The following FARS2 variants were observed in gnomAD, a reference collection of about 807,000 sequenced individuals.
FARS2 encodes phenylalanyl-tRNA synthetase 2, mitochondrial.
A neutral mutation model predicts 46.4 loss-of-function variants in FARS2; 40 were observed. The ratio of observed to expected loss-of-function variants is 0.86; its 90% CI spans 0.67 to 1.12. The LOEUF is 1.12. FARS2 is among the 50% of genes most tolerant of loss of function. The pLI is 0.00. For synonymous variants in FARS2, 234 were observed against 214.9 expected (o/e 1.09, Z -0.78); for missense variants, 513 against 567.9 (o/e 0.90, Z 0.98).
chr6:5,317,223 C>T (rs898591846), intron 1 of FARS2, among the ~76,000 whole-genome samples: 1 of 152,196 alleles, frequency 6.6e-6, no homozygotes, highest in African/African-American at 2.4e-5. Flanking sequence ...CACCAAAAGC[C>T]TGTTTACCTC....
intron 5 of FARS2, among the ~76,000 whole-genome samples, chr6:5,552,039 A>G (rs1005615040): frequency 5.9e-5 from 9 of 152,324 alleles, no homozygotes; most frequent in South Asian, 2.1e-4. Context: ...GAAGGGGGCT[A>G]TTATTTAGCC....
At chr6:5,540,113 C>T (rs1454003659) in intron 4 of FARS2, among the ~76,000 whole-genome samples, 5 of 152,202 alleles carry the variant, frequency 3.3e-5, no homozygotes, top group South Asian at 2.1e-4. Context: ...TGCGTGGGTC[C>T]GGCCTCTTCA....
chr6:5,611,728 G>C (rs766767142), intron 5 of FARS2, among the ~76,000 whole-genome samples: 1 of 152,024 alleles, frequency 6.6e-6, no homozygotes, highest in Non-Finnish European at 1.5e-5. Context: ...AATGTCTTGG[G>C]GCATGTGTTC....
chr6:5,539,768 T>G (rs964889720), intron 4 of FARS2, among the ~76,000 whole-genome samples: 1 of 152,184 alleles, frequency 6.6e-6, no homozygotes, highest in Non-Finnish European at 1.5e-5. Context: ...CAACTATCTC[T>G]TGTGGCCATT....
At chr6:5,521,672 C>T (rs1769146505) in intron 4 of FARS2, among the ~76,000 whole-genome samples, 1 of 152,190 alleles carries the variant, frequency 6.6e-6, no homozygotes, top group African/African-American at 2.4e-5. Context: ...ACAGGCAAGA[C>T]TGTATATGAT....
intron 4 of FARS2, among the ~76,000 whole-genome samples, chr6:5,533,885 G>A (rs936651876): frequency 2.0e-5 from 3 of 152,242 alleles, no homozygotes; most frequent in Non-Finnish European, 2.9e-5. Flanking sequence ...CAAGAGGAGA[G>A]AGAGCAGTTG....
intron 5 of FARS2, among the ~76,000 whole-genome samples, chr6:5,590,681 C>T (rs758270049): frequency 9.2e-5 from 14 of 152,212 alleles, no homozygotes; most frequent in Non-Finnish European, 1.9e-4. Flanking sequence ...TTATATTAGT[C>T]AGTGGAAGTA....
chr6:5,739,339 A>G (rs1281892695), intron 6 of FARS2, among the ~76,000 whole-genome samples: 1 of 151,824 alleles, frequency 6.6e-6, no homozygotes, highest in Non-Finnish European at 1.5e-5. Flanking sequence ...TCTAAAAAAA[A>G]AAAAAATTGT....
At chr6:5,439,672 G>A (rs146744743) in intron 4 of FARS2, among the ~76,000 whole-genome samples, 60 of 152,304 alleles carry the variant, frequency 3.9e-4, no homozygotes, top group African/African-American at 1.4e-3. Context: ...GGATAATTGC[G>A]TGACACACAT....
At chr6:5,331,012 G>A (rs188226215) in intron 1 of FARS2, among the ~76,000 whole-genome samples, 7 of 151,818 alleles carry the variant, frequency 4.6e-5, no homozygotes, top group Admixed American at 2.6e-4. Context: ...GGCTGAAGCC[G>A]GAGAATTGTT....
chr6:5,494,431 A>T (rs190018298), intron 4 of FARS2, among the ~76,000 whole-genome samples: 5 of 152,238 alleles, frequency 3.3e-5, no homozygotes, highest in African/African-American at 9.6e-5. Flanking sequence ...CTCGCTTCTC[A>T]GCGGGCTTTG....
At position 5,311,583 on chromosome 6, in the gene FARS2, C is replaced by T. The variant is rs1196074315; in HGVS notation, c.-22+49923C>T. 6.6e-6 allele frequency among the ~76,000 whole-genome samples: 1 copy of T among 152,098 alleles called. No individual in the cohort carries two copies. The highest frequency in any genetic ancestry group is 1.5e-5 in the Non-Finnish European group (1 of 68,020). On this transcript the variant is annotated intron_variant, in intron 1 of 6. Coordinates refer to ENST00000274680, the MANE Select transcript of FARS2 (RefSeq NM_006567.5). This position sits in a 1 kb window ranked among gnomAD's most constrained non-coding sequence, Gnocchi z 4.1. ...TAGAAAAAAATTTCCATAAAATGTT[C>T]TTTATTTGTTGACTGTGGTATTGGC...
intron 4 of FARS2, among the ~76,000 whole-genome samples, chr6:5,481,191 C>G (rs926321652): frequency 6.6e-6 from 1 of 152,212 alleles, no homozygotes; most frequent in Non-Finnish European, 1.5e-5. Flanking sequence ...CGGGTACCAC[C>G]TGCCTCCAGA....
intron 5 of FARS2, among the ~76,000 whole-genome samples, chr6:5,582,918 G>A (rs564295366): frequency 1.3e-5 from 2 of 152,122 alleles, no homozygotes; most frequent in South Asian, 4.2e-4. Flanking sequence ...TTCCCTGCAG[G>A]CCTGCAGGGT....
intron 6 of FARS2, among the ~76,000 whole-genome samples, chr6:5,714,360 C>T (rs111464733): frequency 0.028 from 4,252 of 152,174 alleles, 202 homozygotes; most frequent in African/African-American, 0.092. Flanking sequence ...TGGGAAGGGT[C>T]TGGAAGGACA....
At chr6:5,620,761 G>A (rs973883852) in intron 6 of FARS2, among the ~76,000 whole-genome samples, 14 of 152,202 alleles carry the variant, frequency 9.2e-5, no homozygotes, top group Admixed American at 4.6e-4. Flanking sequence ...CAAAGGGACC[G>A]GATTAGCCCA....
chr6:5,384,277 G>C (rs1304716205), intron 2 of FARS2, among the ~76,000 whole-genome samples: 1 of 152,200 alleles, frequency 6.6e-6, no homozygotes. Context: ...GAGAAGAAAA[G>C]TGCTGGAAAG....
chr6:5,415,305 CTTTTCTTTTTTTT>C (rs1762167681), intron 3 of FARS2, among the ~76,000 whole-genome samples: 1 of 91,584 alleles, frequency 1.1e-5, no homozygotes, highest in African/African-American at 4.3e-5. Flanking sequence ...ATTTTCTTTT[CTTTTCTTTTTTTT>C]TTTTTTTTTT....
intron 1 of FARS2, among the ~76,000 whole-genome samples, chr6:5,356,776 G>A (rs569981898): frequency 6.6e-6 from 1 of 152,310 alleles, no homozygotes; most frequent in African/African-American, 2.4e-5. Flanking sequence ...TTCACTGTTT[G>A]CTAATTTAGC....
Sources: allele counts gnomAD v4.1 joint callset (sites outside exome capture counted in the v4.1 genomes callset), GRCh38; gene constraint gnomAD v4.1.1; non-coding constraint Gnocchi (gnomAD v3.1); transcripts MANE v1.5; gene names NCBI Gene and HGNC (gene_info 2026-07-23, HGNC 2026-07-21).